TMEM232: variants seen among roughly 807,000 people sequenced by gnomAD.
TMEM232 encodes the protein transmembrane protein 232.
TMEM232 carries 80 observed loss-of-function variants against 78.8 expected under a neutral mutation model. The ratio of observed to expected loss-of-function variants is 1.01; its 90% confidence interval spans 0.85 to 1.22. The LOEUF is 1.22. Ranked by LOEUF, TMEM232 falls within the 50% of genes most tolerant of loss-of-function variation. The probability of loss-of-function intolerance (pLI) is 0.00; values close to 1 mark genes in which losing one functional copy is unlikely to be tolerated. For missense variants in TMEM232, 881 were observed against 742.2 expected, an observed-to-expected ratio of 1.19 and a Z score of -2.17; for synonymous variants, 297 against 254.3, an observed-to-expected ratio of 1.17 and a Z score of -1.60.
chr5:110,625,986 A>G (rs1402971115), intron 6 of TMEM232, among the ~76,000 whole-genome samples: 3 of 150,980 alleles, frequency 2.0e-5, no homozygotes, highest in Admixed American at 6.6e-5. Context: ...TTTTAGACAA[A>G]CTTTGGGTTT....
chr5:110,441,693 C>T (rs1432092711), intron 12 of TMEM232, among the ~76,000 whole-genome samples: 2 of 152,106 alleles, frequency 1.3e-5, no homozygotes, highest in Non-Finnish European at 1.5e-5. Flanking sequence ...AATTGAGTTG[C>T]CTTACTGGAG....
At chr5:110,687,624 T>C (rs181198146) in intron 1 of TMEM232, among the ~76,000 whole-genome samples, 143 of 152,228 alleles carry the variant, frequency 9.4e-4, no homozygotes, top group Non-Finnish European at 1.7e-3. Flanking sequence ...TTATATCTAT[T>C]GTTTTGGGAA....
At chr5:110,446,256 G>A (rs912665193) in intron 12 of TMEM232, among the ~76,000 whole-genome samples, 1 of 152,148 alleles carries the variant, frequency 6.6e-6, no homozygotes, top group African/African-American at 2.4e-5. Context: ...GAATCTGAGT[G>A]TTCCATATGA....
intron 11 of TMEM232, among the ~76,000 whole-genome samples, chr5:110,554,061 C>T (rs1774775556): frequency 6.6e-6 from 1 of 152,124 alleles, no homozygotes; most frequent in Non-Finnish European, 1.5e-5. Context: ...AGGAATAAAG[C>T]TGCAATGGTT....
rs988995741 is a variant in TMEM232 at position 110,427,417 on chromosome 5, T to G, written c.1704-2501A>C. Among the ~76,000 whole-genome samples the G allele has an allele frequency of 6.6e-5, 10 of 152,052 alleles. No individual in the cohort carries two copies. The South Asian group carries it at 8.3e-4, about 13-fold the overall frequency. ...CCATGGTGTTTAGCTGTATTATCAA[T>G]TGTAAGAAAAAGGAATGGAGGACTA... On this transcript the variant is annotated intron_variant, in intron 12 of 13. Coordinates refer to ENST00000455884, the MANE Select transcript of TMEM232 (RefSeq NM_001039763.4).
intron 12 of TMEM232, among the ~76,000 whole-genome samples, chr5:110,462,034 A>G (rs926632965): frequency 9.2e-5 from 14 of 152,308 alleles, no homozygotes; most frequent in Admixed American, 5.2e-4. Context: ...TCAAGGAGCA[A>G]TTTTGACTTT....
chr5:110,494,929 CTTA>C (rs1397578538), intron 12 of TMEM232, among the ~76,000 whole-genome samples: 2 of 151,426 alleles, frequency 1.3e-5, no homozygotes, highest in African/African-American at 2.4e-5. Context: ...GAAACATATA[CTTA>C]TTATAAGTAT....
chr5:110,526,049 A>AAAAAT (rs1770548900), intron 12 of TMEM232, among the ~76,000 whole-genome samples: 1 of 147,986 alleles, frequency 6.8e-6, no homozygotes, highest in Admixed American at 6.7e-5. Context: ...AAAAAAAAAA[A>AAAAAT]ATTCAAACAG....
intron 13 of TMEM232, among the ~76,000 whole-genome samples, chr5:110,421,422 T>A (rs1189176998): frequency 6.6e-6 from 1 of 151,568 alleles, no homozygotes; most frequent in Non-Finnish European, 1.5e-5. Flanking sequence ...GAAAAATATA[T>A]ATATATATAT....
intron 10 of TMEM232, among the ~76,000 whole-genome samples, chr5:110,587,420 G>C (rs1778943547): frequency 6.6e-6 from 1 of 151,874 alleles, no homozygotes; most frequent in Admixed American, 6.6e-5. Flanking sequence ...TGTTCAAATT[G>C]CTAGTACCGT....
intron 13 of TMEM232, among the ~76,000 whole-genome samples, chr5:110,423,841 C>T (rs981521441): frequency 3.3e-5 from 5 of 150,960 alleles, no homozygotes; most frequent in African/African-American, 1.2e-4. Flanking sequence ...TGTTGGCAAA[C>T]TGCTATTTCA....
intron 2 of TMEM232, among the ~76,000 whole-genome samples, chr5:110,409,283 A>G (rs1755903930): frequency 6.6e-6 from 1 of 152,048 alleles, no homozygotes; most frequent in South Asian, 2.1e-4. Context: ...CTTTTTGGAG[A>G]CATTTTAAAT....
At chr5:110,542,736 G>A (rs1168614901) in intron 11 of TMEM232, among the ~76,000 whole-genome samples, 2 of 152,048 alleles carry the variant, frequency 1.3e-5, no homozygotes, top group African/African-American at 4.8e-5. Context: ...TAAATCAAAA[G>A]GAAAACCCCA....
intron 1 of TMEM232, among the ~76,000 whole-genome samples, chr5:110,695,638 G>A (rs1794678954): frequency 6.6e-6 from 1 of 152,166 alleles, no homozygotes; most frequent in Admixed American, 6.5e-5. Context: ...CGATCCCACA[G>A]AAATACAAAC....
At chr5:110,578,517 T>C (rs1777817855) in intron 10 of TMEM232, among the ~76,000 whole-genome samples, 1 of 151,996 alleles carries the variant, frequency 6.6e-6, no homozygotes, top group South Asian at 2.1e-4. Flanking sequence ...ACATCCAAAA[T>C]TGGTGACACC....
intron 12 of TMEM232, among the ~76,000 whole-genome samples, chr5:110,487,868 A>C (rs1354407476): frequency 6.6e-6 from 1 of 152,126 alleles, no homozygotes; most frequent in South Asian, 2.1e-4. Context: ...AATAGCGTCA[A>C]AAGGATTGGT....
At chr5:110,718,980 C>A (rs1797302371) in intron 1 of TMEM232, among the ~76,000 whole-genome samples, 2 of 151,864 alleles carry the variant, frequency 1.3e-5, no homozygotes, top group South Asian at 4.2e-4. Context: ...GAGATATGTT[C>A]TGAGAAATGA....
chr5:110,723,086 A>G (rs1333792374), intron 1 of TMEM232, among the ~76,000 whole-genome samples: 1 of 152,184 alleles, frequency 6.6e-6, no homozygotes, highest in East Asian at 1.9e-4. Context: ...GATAATTGAT[A>G]TAATTTCTTC....
chr5:110,723,825 A>G lies in TMEM232; in HGVS notation c.-13+2802T>C, dbSNP rs148732640. ...GGGGATGTTGGTAAAGTTTACTTTC[A>G]TGATAGAGGCACAGTACCTTCTTCC... On this transcript the variant is annotated intron_variant, in intron 1 of 13. Coordinates refer to ENST00000455884, the MANE Select transcript of TMEM232 (RefSeq NM_001039763.4). Among the ~76,000 whole-genome samples the G allele has an allele frequency of 6.4e-3, 976 of 152,306 alleles. 19 individuals are homozygous for G. The highest frequency in any genetic ancestry group is 0.022 in the African/African-American group (903 of 41,576).
Sources: gnomAD v4.1 joint callset for allele counts (sites outside exome capture counted in the v4.1 genomes callset) on GRCh38, gnomAD v4.1.1 for gene constraint, MANE v1.5 for transcripts, NCBI Gene and HGNC (gene_info 2026-07-23, HGNC 2026-07-21) for gene names.